ADAMTSL1: variants seen among roughly 807,000 people sequenced by gnomAD.
ADAMTSL1 encodes ADAMTS like 1.
In ADAMTSL1, 126 loss-of-function variants were observed where a neutral mutation model predicts 201.8. That is an observed-to-expected ratio of 0.62 (90% CI 0.54 to 0.72). The LOEUF (loss-of-function observed/expected upper bound fraction) is 0.72. ADAMTSL1 is among the 30% of genes least tolerant of loss of function. The pLI, the probability that ADAMTSL1 is intolerant of heterozygous loss-of-function variation, is 0.00. For synonymous variants in ADAMTSL1, 1,121 were observed against 903.4 expected, an observed-to-expected ratio of 1.24 and a Z score of -4.32; for missense variants, 2,679 against 2,277.8, an observed-to-expected ratio of 1.18 and a Z score of -3.59.
At chr9:18,026,031 G>A (rs1449673299) in intron 1 of ADAMTSL1, among the ~76,000 whole-genome samples, 1 of 151,796 alleles carries the variant, frequency 6.6e-6, no homozygotes, top group South Asian at 2.1e-4. Flanking sequence ...TTGCATCCTT[G>A]ATTTGGCTTT....
intron 9 of ADAMTSL1, among the ~76,000 whole-genome samples, chr9:18,668,097 G>A (rs1479262445): frequency 8.7e-6 from 1 of 115,242 alleles, no homozygotes; most frequent in Non-Finnish European, 1.8e-5. Flanking sequence ...ACTGTATAAT[G>A]AAATGTTTTC....
At chr9:18,050,965 T>C (rs1010539041) in intron 1 of ADAMTSL1, among the ~76,000 whole-genome samples, 16 of 152,200 alleles carry the variant, frequency 1.1e-4, no homozygotes, top group African/African-American at 3.9e-4. Context: ...GCAATTAGAA[T>C]CCATTCTAAT....
intron 1 of ADAMTSL1, among the ~76,000 whole-genome samples, chr9:18,067,376 G>A (rs1286384537): frequency 8.8e-6 from 1 of 113,570 alleles, no homozygotes; most frequent in African/African-American, 2.6e-5. Context: ...AAAAACATTA[G>A]CAGATACTCC....
chr9:18,128,664 G>C (rs996917072), intron 1 of ADAMTSL1, among the ~76,000 whole-genome samples: 3 of 152,140 alleles, frequency 2.0e-5, no homozygotes, highest in African/African-American at 7.2e-5. Context: ...TAATGAAATA[G>C]AGAATCACTA....
At chr9:18,557,677 G>A (rs2132259071) in intron 3 of ADAMTSL1, among the ~76,000 whole-genome samples, 2 of 152,098 alleles carry the variant, frequency 1.3e-5, no homozygotes, top group Middle Eastern at 3.4e-3. Flanking sequence ...GAAGAGAAAT[G>A]CTACAGTCTT....
intron 2 of ADAMTSL1, among the ~76,000 whole-genome samples, chr9:18,182,310 A>C (rs888937143): frequency 6.6e-6 from 1 of 152,074 alleles, no homozygotes; most frequent in African/African-American, 2.4e-5. Flanking sequence ...GAAGAATTAG[A>C]TAGTGGTCAT....
chr9:18,600,432 A>C (rs1277418460), intron 4 of ADAMTSL1, among the ~76,000 whole-genome samples: 1 of 152,168 alleles, frequency 6.6e-6, no homozygotes, highest in Non-Finnish European at 1.5e-5. Context: ...CTGACCCTAT[A>C]GCCTGTGCTT....
intron 2 of ADAMTSL1, among the ~76,000 whole-genome samples, chr9:18,300,613 C>G (rs965616456): frequency 1.9e-4 from 29 of 151,860 alleles, no homozygotes; most frequent in African/African-American, 6.8e-4. Context: ...AGTATTAAAA[C>G]AAACAAACAA....
At chr9:18,425,753 G>C (rs1819185368) in intron 2 of ADAMTSL1, among the ~76,000 whole-genome samples, 1 of 151,012 alleles carries the variant, frequency 6.6e-6, no homozygotes, top group Non-Finnish European at 1.5e-5. Flanking sequence ...CTACTCTGGA[G>C]GCTGAGGTGG....
chr9:18,760,609 A>G (rs1437491467), intron 16 of ADAMTSL1, among the ~76,000 whole-genome samples: 1 of 152,174 alleles, frequency 6.6e-6, no homozygotes, highest in African/African-American at 2.4e-5. Flanking sequence ...AAATTGGATC[A>G]TGTTACCCCC....
At chr9:18,376,727 A>T (rs1837312597) in intron 2 of ADAMTSL1, among the ~76,000 whole-genome samples, 1 of 151,996 alleles carries the variant, frequency 6.6e-6, no homozygotes, top group African/African-American at 2.4e-5. Flanking sequence ...AATCACTTGA[A>T]CCCAGGAGGC....
rs1818678212 is a variant in ADAMTSL1 at position 18,416,399 on chromosome 9, T to C, written c.208-88430T>C. ...ATGGAATTATAAAAAAATTGCTTGATCAAAATGAGGGCAAAAAAAGGAAGA... is the reference window on the plus strand; with the variant it reads ...ATGGAATTATAAAAAAATTGCTTGACCAAAATGAGGGCAAAAAAAGGAAGA... On this transcript the variant is annotated intron_variant, in intron 2 of 29. Coordinates refer to the ADAMTSL1 transcript ENST00000680146. Among the ~76,000 whole-genome samples, 3 of 151,736 alleles carry C rather than the reference T, an allele frequency of 2.0e-5. No homozygotes were observed. The South Asian group carries it at 6.2e-4, about 31-fold the overall frequency.
intron 10 of ADAMTSL1, among the ~76,000 whole-genome samples, chr9:18,676,245 C>T (rs913287514): frequency 6.6e-6 from 1 of 152,048 alleles, no homozygotes; most frequent in Admixed American, 6.6e-5. Context: ...GGACCCTAGT[C>T]ATTAAAGCAC....
At chr9:18,528,733 T>C (rs1272742565) in intron 2 of ADAMTSL1, among the ~76,000 whole-genome samples, 2 of 152,208 alleles carry the variant, frequency 1.3e-5, no homozygotes, top group Non-Finnish European at 2.9e-5. Context: ...CTTTCATACT[T>C]GACCCAGTTT....
rs1825913399 is a variant in ADAMTSL1, at chr9:18,130,660, G to A, written c.88-33202G>A. Among the ~76,000 whole-genome samples the A allele has an allele frequency of 2.6e-5, 4 of 152,294 alleles. No individual in the cohort carries two copies. The South Asian group carries it at 8.3e-4, about 32-fold the overall frequency. On this transcript the variant is annotated intron_variant, in intron 1 of 29. Transcript: ENST00000680146. ...ATGGCCAGGAAAATACATTATTCAA[G>A]TATTTGGAGCATTTTAGGAATACAA...
chr9:18,465,970 C>T (rs1412277511), intron 2 of ADAMTSL1, among the ~76,000 whole-genome samples: 1 of 152,060 alleles, frequency 6.6e-6, no homozygotes, highest in Non-Finnish European at 1.5e-5. Context: ...AAGCTGGTCT[C>T]GAACTCCTGA....
At chr9:18,380,612 T>G (rs1234885136) in intron 2 of ADAMTSL1, among the ~76,000 whole-genome samples, 2 of 152,192 alleles carry the variant, frequency 1.3e-5, no homozygotes, top group Non-Finnish European at 2.9e-5. Context: ...CATTTACACA[T>G]GAGGCAAAGA....
chr9:18,282,372 A>G (rs1737224008), intron 2 of ADAMTSL1, among the ~76,000 whole-genome samples: 2 of 152,226 alleles, frequency 1.3e-5, no homozygotes, highest in Non-Finnish European at 2.9e-5. Flanking sequence ...TGCAATGAAC[A>G]TACAAGTGCA....
At chr9:18,061,205 T>C (rs1822440637) in intron 1 of ADAMTSL1, among the ~76,000 whole-genome samples, 1 of 152,248 alleles carries the variant, frequency 6.6e-6, no homozygotes, top group African/African-American at 2.4e-5. Flanking sequence ...TAAGTATTTG[T>C]GTAACATTAG....
Sources: gnomAD v4.1 joint callset for allele counts (sites outside exome capture counted in the v4.1 genomes callset) on GRCh38, gnomAD v4.1.1 for gene constraint, MANE v1.5 for transcripts, NCBI Gene and HGNC (gene_info 2026-07-23, HGNC 2026-07-21) for gene names.